Variants in KDM7A observed in about 807,000 individuals in gnomAD.
KDM7A encodes the protein lysine-specific demethylase 7A.
In KDM7A, 28 loss-of-function variants were observed where a neutral mutation model predicts 114.8. That is an observed-to-expected ratio of 0.24 (90% CI 0.18 to 0.33). KDM7A has a LOEUF of 0.33. KDM7A is among the 10% of genes least tolerant of loss of function. The pLI is 1.00. For missense variants in KDM7A, 942 were observed against 1,142.5 expected, an observed-to-expected ratio of 0.82 and a Z score of 2.53; for synonymous variants, 423 against 397.8, an observed-to-expected ratio of 1.06 and a Z score of -0.75.
At chr7:140,113,314 TA>T (rs574976577) in intron 10 of KDM7A, among the ~76,000 whole-genome samples, 176 bp downstream of exon 10, 177 of 152,352 alleles carry the variant, frequency 1.2e-3, no homozygotes, top group African/African-American at 3.5e-3. Context: ...TTTATTCTCA[TA>T]AAAGAAGCCA....
At chr7:140,125,910 AT>A (rs1271966496) in intron 6 of KDM7A, among the ~76,000 whole-genome samples, 1 of 135,636 alleles carries the variant, frequency 7.4e-6, no homozygotes, top group Non-Finnish European at 1.6e-5. Flanking sequence ...TACTTTTTTT[AT>A]TTTTATTTTT....
At chr7:140,117,156 C>T (rs1203741567) in intron 9 of KDM7A, among the ~76,000 whole-genome samples, 1 of 152,198 alleles carries the variant, frequency 6.6e-6, no homozygotes, top group African/African-American at 2.4e-5. Context: ...AGGTATTCTA[C>T]ACTGATCTGG....
intron 1 of KDM7A, among the ~76,000 whole-genome samples, chr7:140,161,112 T>C (rs1020647769): frequency 3.3e-5 from 5 of 152,206 alleles, no homozygotes; most frequent in Non-Finnish European, 7.3e-5. Flanking sequence ...AAAAAGACTA[T>C]AAAATTCCTA....
intron 1 of KDM7A, among the ~76,000 whole-genome samples, chr7:140,174,686 C>T (rs555052533): frequency 6.6e-6 from 1 of 152,248 alleles, no homozygotes; most frequent in East Asian, 1.9e-4. Flanking sequence ...CTGCAACCTC[C>T]GCTTCCCGGG....
intron 6 of KDM7A, 101 bp downstream of exon 6, chr7:140,126,536 T>TC: frequency 1.7e-6 from 1 of 579,300 alleles, no homozygotes; most frequent in Admixed American, 3.3e-5. Flanking sequence ...AAAAAAAACT[T>TC]CCCCCTTTAC....
At chr7:140,144,510 T>C (rs893752803) in intron 1 of KDM7A, among the ~76,000 whole-genome samples, 1 of 152,100 alleles carries the variant, frequency 6.6e-6, no homozygotes, top group African/African-American at 2.4e-5. Flanking sequence ...GTCTTCATAC[T>C]ACAGTCTAAG....
intron 1 of KDM7A, among the ~76,000 whole-genome samples, chr7:140,155,355 C>T (rs976583428): frequency 1.3e-5 from 2 of 152,154 alleles, no homozygotes; most frequent in African/African-American, 2.4e-5. Flanking sequence ...CTTTACCCAC[C>T]AGGCATAGCT....
intron 11 of KDM7A, among the ~76,000 whole-genome samples, chr7:140,110,392 T>A (rs2116769920): frequency 6.6e-6 from 1 of 152,338 alleles, no homozygotes; most frequent in Middle Eastern, 3.4e-3. Context: ...GAATTACACA[T>A]TCTATCCATT....
intron 1 of KDM7A, among the ~76,000 whole-genome samples, chr7:140,147,907 T>C (rs1027731753): frequency 4.6e-5 from 7 of 152,198 alleles, no homozygotes; most frequent in Admixed American, 3.9e-4. Context: ...GGAGCAGGTT[T>C]CTCAATCTGC....
At chr7:140,120,373 TA>T in intron 8 of KDM7A, 68 bp downstream of exon 8, 1 of 879,992 alleles carries the variant, frequency 1.1e-6, no homozygotes, top group Non-Finnish European at 1.9e-6. Context: ...TGATTTTTTT[TA>T]AGTTAAAAAA....
intron 9 of KDM7A, among the ~76,000 whole-genome samples, chr7:140,118,306 A>G (rs778435266): frequency 3.3e-4 from 50 of 152,366 alleles, no homozygotes; most frequent in Non-Finnish European, 6.8e-4. Context: ...ATTAAACCAA[A>G]AGATTAAAAC....
intron 1 of KDM7A, among the ~76,000 whole-genome samples, chr7:140,157,769 G>GC (rs1388556578): frequency 6.6e-6 from 1 of 151,614 alleles, no homozygotes; most frequent in Non-Finnish European, 1.5e-5. Context: ...TTCCAGACCA[G>GC]CCTGGCCAAC....
chr7:140,175,387 T>C (rs1794691616), intron 1 of KDM7A, among the ~76,000 whole-genome samples: 1 of 152,138 alleles, frequency 6.6e-6, no homozygotes, highest in African/African-American at 2.4e-5. Context: ...GCGGAGGCTG[T>C]ATTTAAATGT....
intron 1 of KDM7A, among the ~76,000 whole-genome samples, chr7:140,140,312 G>T (rs948678042): frequency 6.6e-6 from 1 of 152,150 alleles, no homozygotes; most frequent in African/African-American, 2.4e-5. Flanking sequence ...AATATCATAT[G>T]ACCATTTAAA....
intron 1 of KDM7A, among the ~76,000 whole-genome samples, chr7:140,157,432 C>T (rs1423157102): frequency 6.6e-6 from 1 of 152,252 alleles, no homozygotes; most frequent in Middle Eastern, 3.4e-3. Context: ...GTGGGAGGGT[C>T]GCCTGAGCCC....
At chr7:140,138,997 G>A (rs765418296) in intron 2 of KDM7A, 108 bp downstream of exon 2, 3 of 697,334 alleles carry the variant, frequency 4.3e-6, no homozygotes, top group Admixed American at 2.4e-5. Flanking sequence ...TTCTTGAAGG[G>A]TGTAATATAA....
At position 140,120,444 on chromosome 7, in the gene KDM7A, G is replaced by A; in HGVS notation, c.1137C>T (p.Leu379=). 1 of 1,599,930 alleles carries A rather than the reference G, an allele frequency of 6.3e-7. No individual in the cohort carries two copies. The highest frequency in any genetic ancestry group is 2.2e-5 in the East Asian group (1 of 44,780). The change falls in exon 8 of 20, where the codon CTC becomes CTT. Residue 379 remains leucine, a splice_region_variant and synonymous_variant. Coordinates refer to ENST00000397560, the MANE Select transcript of KDM7A (RefSeq NM_030647.2). ...FLHNLNIGMQ[L]RCYEMEKRLK... ...ATTTAAATACTGATGACACAAACCTGAGCTGCATGCCAATGTTAAGGTTGT... is the reference window on the plus strand; with the variant it reads ...ATTTAAATACTGATGACACAAACCTAAGCTGCATGCCAATGTTAAGGTTGT...
intron 1 of KDM7A, among the ~76,000 whole-genome samples, chr7:140,153,685 T>C (rs1481066111): frequency 6.6e-6 from 1 of 152,204 alleles, no homozygotes; most frequent in African/African-American, 2.4e-5. Context: ...CACTATAATT[T>C]AAAACATTAT....
intron 1 of KDM7A, among the ~76,000 whole-genome samples, chr7:140,165,733 T>C (rs530813746): frequency 2.6e-4 from 40 of 152,272 alleles, no homozygotes; most frequent in Admixed American, 1.5e-3. Context: ...ACCGTTATTT[T>C]ACTTAATAAT....
Sources: allele counts gnomAD v4.1 joint callset (sites outside exome capture counted in the v4.1 genomes callset), GRCh38; gene constraint gnomAD v4.1.1; transcripts MANE v1.5; gene names NCBI Gene and HGNC (gene_info 2026-07-23, HGNC 2026-07-21).